TDRP: variants seen among roughly 807,000 people sequenced by gnomAD.
TDRP encodes testis development related protein.
Under a neutral mutation model 10.5 loss-of-function variants are expected in TDRP, and 12 were observed. That is an observed-to-expected ratio of 1.15 (90% confidence interval 0.73 to 1.86). TDRP has a LOEUF of 1.86. Ranked by LOEUF, TDRP falls within the 40% of genes most tolerant of loss-of-function variation. The pLI, the probability that TDRP is intolerant of heterozygous loss-of-function variation, is 0.00. For missense variants in TDRP, 353 were observed against 229.2 expected (o/e 1.54, Z -3.49); for synonymous variants, 139 against 95.4 (o/e 1.46, Z -2.67).
intron 1 of TDRP, among the ~76,000 whole-genome samples, chr8:533,814 C>CGG (rs1802273805): frequency 1.3e-5 from 2 of 152,102 alleles, no homozygotes; most frequent in African/African-American, 4.8e-5. Context: ...AGATGTACAC[C>CGG]GGTTCTCTTT....
intron 1 of TDRP, among the ~76,000 whole-genome samples, chr8:514,633 G>C (rs906391950): frequency 9.2e-5 from 14 of 152,172 alleles, no homozygotes; most frequent in African/African-American, 3.4e-4. Flanking sequence ...CCCTGTGACT[G>C]CCGGATCCAC....
chr8:522,750 T>A (rs954608368), intron 1 of TDRP, among the ~76,000 whole-genome samples: 1 of 152,230 alleles, frequency 6.6e-6, no homozygotes, highest in East Asian at 1.9e-4. Context: ...TGCCTCTGAT[T>A]CCTCAATTAT....
intron 1 of TDRP, among the ~76,000 whole-genome samples, chr8:539,764 A>C (rs560820739): frequency 6.6e-6 from 1 of 152,262 alleles, no homozygotes; most frequent in East Asian, 1.9e-4. Context: ...ACGTTACTCC[A>C]CTTCTTTCTT....
intron 1 of TDRP, among the ~76,000 whole-genome samples, 180 bp downstream of exon 1, chr8:544,470 C>T (rs1175359240): frequency 6.6e-6 from 1 of 152,110 alleles, no homozygotes; most frequent in East Asian, 1.9e-4. Context: ...GGGTCAAGTT[C>T]TCCGACTCCG....
intron 1 of TDRP, among the ~76,000 whole-genome samples, chr8:505,357 A>T (rs914268309): frequency 2.3e-4 from 35 of 152,212 alleles, no homozygotes; most frequent in African/African-American, 8.2e-4. Context: ...CTTGTGAAAC[A>T]GGGGTGGGAA....
chr8:529,580 G>T (rs79624707), intron 1 of TDRP, among the ~76,000 whole-genome samples: 104,824 of 151,570 alleles, frequency 0.69, 36,602 homozygotes, highest in African/African-American at 0.74. Context: ...TTTGGCTTTG[G>T]TTATCTGGGA....
chr8:536,821 C>T (rs533530003), intron 1 of TDRP, among the ~76,000 whole-genome samples: 28 of 152,216 alleles, frequency 1.8e-4, no homozygotes, highest in Non-Finnish European at 2.2e-4. Context: ...CAGCTGAATC[C>T]GGAGCGAATA....
At chr8:494,036 C>T (rs1466519211) in intron 2 of TDRP, among the ~76,000 whole-genome samples, 1 of 130,138 alleles carries the variant, frequency 7.7e-6, no homozygotes, top group Non-Finnish European at 1.5e-5. Context: ...TGCTCTGTTG[C>T]CTCCGTCTCC....
chr8:524,363 A>G (rs1328926988), intron 1 of TDRP, among the ~76,000 whole-genome samples: 1 of 152,148 alleles, frequency 6.6e-6, no homozygotes, highest in African/African-American at 2.4e-5. Context: ...TACTACAATA[A>G]ATTACTAACT....
At chr8:504,048 A>C (rs1302056387) in intron 1 of TDRP, among the ~76,000 whole-genome samples, 5 of 150,268 alleles carry the variant, frequency 3.3e-5, no homozygotes, top group African/African-American at 1.2e-4. Context: ...AGAGCCACAA[A>C]AGGGTAACCC....
At chr8:493,084 G>A (rs573031644) in intron 2 of TDRP, among the ~76,000 whole-genome samples, 1 of 151,996 alleles carries the variant, frequency 6.6e-6, no homozygotes, top group Non-Finnish European at 1.5e-5. Flanking sequence ...GAGAATCCAG[G>A]GTCTAGATTA....
intron 1 of TDRP, among the ~76,000 whole-genome samples, chr8:520,699 G>A (rs965702811): frequency 1.7e-4 from 26 of 152,162 alleles, no homozygotes; most frequent in African/African-American, 5.8e-4. Flanking sequence ...GATTAGCAAC[G>A]TTGAACATCT....
chr8:514,520 C>A lies in TDRP; in HGVS notation c.109-19923G>T, dbSNP rs528087944. The stretch of plus-strand genomic sequence containing the variant: ...GCAGACTCTAGATCCACATTTGCCT[C>A]AATGCAGGGACCAGGACACCACTGC... On this transcript the variant is annotated intron_variant, in intron 1 of 2. Transcript: ENST00000324079. Among the ~76,000 whole-genome samples, 3 of 152,288 alleles carry A rather than the reference C, an allele frequency of 2.0e-5. No individual in the cohort carries two copies. The South Asian group carries it at 6.2e-4, about 32-fold the overall frequency.
chr8:522,630 C>T (rs1801935324), intron 1 of TDRP, among the ~76,000 whole-genome samples: 2 of 152,318 alleles, frequency 1.3e-5, no homozygotes, highest in South Asian at 4.1e-4. Flanking sequence ...CCCTCCGCCC[C>T]ATGAAATGCT....
upstream of TDRP, among the ~76,000 whole-genome samples, chr8:545,359 C>T (rs1286531749): frequency 7.2e-6 from 1 of 138,962 alleles, no homozygotes; most frequent in African/African-American, 2.8e-5. Flanking sequence ...CTCCTCTACC[C>T]CCGAGCCCCC....
chr8:539,849 A>T (rs1471897735), intron 1 of TDRP, among the ~76,000 whole-genome samples: 1 of 152,200 alleles, frequency 6.6e-6, no homozygotes, highest in Non-Finnish European at 1.5e-5. Flanking sequence ...ATCTAAACTA[A>T]GATTCACTAT....
rs369142646 is a variant in TDRP at position 542,292 on chromosome 8, G to C, written c.108+2358C>G. 2.2e-4 allele frequency among the ~76,000 whole-genome samples: 34 copies of C among 151,806 alleles called. 1 individual carries two copies. The South Asian group carries it at 6.9e-3, about 31-fold the overall frequency. On this transcript the variant is annotated intron_variant, in intron 1 of 2. Coordinates refer to ENST00000324079, the MANE Select transcript of TDRP (RefSeq NM_001384899.1). ...GGGTCTCTAAGGCAGCAAAACTCCT[G>C]TGTGTGACACTACAATGGTGGGCAA...
intron 1 of TDRP, among the ~76,000 whole-genome samples, chr8:505,198 T>C (rs572006255): frequency 4.6e-5 from 7 of 152,308 alleles, no homozygotes; most frequent in East Asian, 1.9e-4. Context: ...AAAACAGCTA[T>C]AGCCACCCTT....
At chr8:516,590 CCCAGACCCCCACCA>C (rs1801762523) in intron 1 of TDRP, among the ~76,000 whole-genome samples, 1 of 152,248 alleles carries the variant, frequency 6.6e-6, no homozygotes, top group South Asian at 2.1e-4. Context: ...ACTGACAAAA[CCCAGACCCCCACCA>C]CCAGATGCTG....
Sources: gnomAD v4.1 joint callset for allele counts (sites outside exome capture counted in the v4.1 genomes callset) on GRCh38, gnomAD v4.1.1 for gene constraint, MANE v1.5 for transcripts, NCBI Gene and HGNC (gene_info 2026-07-23, HGNC 2026-07-21) for gene names.